The following NRXN3 variants were observed in gnomAD, a reference collection of about 807,000 sequenced individuals.
NRXN3 encodes the protein neurexin III.
A neutral mutation model predicts 137.6 loss-of-function variants in NRXN3; 32 were observed. The observed-to-expected ratio is 0.23, with a 90% CI of 0.18 to 0.31. The LOEUF is 0.31. NRXN3 is among the 10% of genes least tolerant of loss of function. The pLI, the probability that NRXN3 is intolerant of heterozygous loss-of-function variation, is 1.00. For missense variants in NRXN3, 1,574 were observed against 2,062.5 expected (o/e 0.76, Z 4.59); for synonymous variants, 798 against 784.5 (o/e 1.02, Z -0.29).
intron 15 of NRXN3, among the ~76,000 whole-genome samples, chr14:79,323,252 G>A (rs929164981): frequency 6.6e-5 from 10 of 152,034 alleles, no homozygotes; most frequent in Non-Finnish European, 1.0e-4. Context: ...ATGTTGCCCA[G>A]GATGGTCTTG....
At chr14:79,307,224 A>G (rs2086244652) in intron 15 of NRXN3, among the ~76,000 whole-genome samples, 1 of 152,156 alleles carries the variant, frequency 6.6e-6, no homozygotes, top group African/African-American at 2.4e-5. Flanking sequence ...AAAACATTAA[A>G]TAAGTTACTC....
Position 78,434,943 on chromosome 14 carries a change from G to T in NRXN3, c.757+137083G>T, listed in dbSNP as rs12161865. Among the ~76,000 whole-genome samples, 43 of 152,318 alleles carry T rather than the reference G, an allele frequency of 2.8e-4. No individual in the cohort carries two copies. The East Asian group carries it at 6.4e-3, about 23-fold the overall frequency. On this transcript the variant is annotated intron_variant, in intron 4 of 20. Coordinates refer to ENST00000335750, the MANE Select transcript of NRXN3 (RefSeq NM_001330195.2). ...GAGACCTGAGCTTGCTAGTTGTCTA[G>T]AGACAACTGACAGAGAGGGGCTTGC...
intron 4 of NRXN3, among the ~76,000 whole-genome samples, chr14:78,630,613 T>G (rs557289375): frequency 6.8e-6 from 1 of 147,034 alleles, no homozygotes; most frequent in South Asian, 2.1e-4. Flanking sequence ...TTTTTTTTTT[T>G]GTTGTTTTTG....
chr14:78,266,282 C>T (rs1263765422), intron 2 of NRXN3, among the ~76,000 whole-genome samples: 1 of 152,070 alleles, frequency 6.6e-6, no homozygotes, highest in African/African-American at 2.4e-5. Context: ...TCTCTCTCCT[C>T]TTACTTAATC....
At chr14:79,796,767 GAA>G (rs1243741460) in intron 19 of NRXN3, among the ~76,000 whole-genome samples, 1 of 152,194 alleles carries the variant, frequency 6.6e-6, no homozygotes, top group Non-Finnish European at 1.5e-5. Context: ...TGGAAAAGAA[GAA>G]AAAGAATATG....
At chr14:78,761,671 A>G (rs1480888507) in intron 8 of NRXN3, among the ~76,000 whole-genome samples, 5 of 152,168 alleles carry the variant, frequency 3.3e-5, no homozygotes, top group Admixed American at 2.6e-4. Context: ...AAAAAATATA[A>G]TCATTTTATT....
At chr14:79,030,573 CTT>C (rs1408544267) in intron 15 of NRXN3, among the ~76,000 whole-genome samples, 1 of 141,510 alleles carries the variant, frequency 7.1e-6, no homozygotes, top group African/African-American at 2.6e-5. Flanking sequence ...TCAAAAGACT[CTT>C]AGTGATTTCT....
chr14:78,437,346 TC>T (rs2094104712), intron 4 of NRXN3, among the ~76,000 whole-genome samples: 1 of 144,904 alleles, frequency 6.9e-6, no homozygotes, highest in Admixed American at 6.9e-5. Context: ...CTTTTCTTTT[TC>T]TTTTTTTTTT....
chr14:78,409,467 A>C (rs1425616251), intron 4 of NRXN3, among the ~76,000 whole-genome samples: 2 of 152,242 alleles, frequency 1.3e-5, no homozygotes, highest in Non-Finnish European at 1.5e-5. Context: ...ATGTGGACTC[A>C]TCATCTCCAT....
chr14:79,365,751 A>AAAAAAAAAAAAAG (rs2093867970), intron 15 of NRXN3, among the ~76,000 whole-genome samples: 1 of 149,078 alleles, frequency 6.7e-6, no homozygotes, highest in Non-Finnish European at 1.5e-5. Flanking sequence ...AAAAGAAAAA[A>AAAAAAAAAAAAAG]AAGAAGAGTT....
At chr14:78,432,506 A>G (rs2215830) in intron 4 of NRXN3, among the ~76,000 whole-genome samples, 151,869 of 152,302 alleles carry the variant, frequency 1, 75,720 homozygotes, top group Non-Finnish European at 1. Flanking sequence ...CAGTGTAGGG[A>G]AGCGGAAGAT....
At chr14:79,244,905 A>G (rs1338019112) in intron 15 of NRXN3, among the ~76,000 whole-genome samples, 1 of 152,162 alleles carries the variant, frequency 6.6e-6, no homozygotes, top group Non-Finnish European at 1.5e-5. Context: ...ATATCTGTTC[A>G]GTGTTTCGCT....
chr14:79,669,735 G>GCAT (rs1264574334), intron 17 of NRXN3, among the ~76,000 whole-genome samples: 4 of 152,026 alleles, frequency 2.6e-5, no homozygotes, highest in African/African-American at 9.7e-5. Context: ...TGGATCAGCA[G>GCAT]CATCAGCTTC....
intron 3 of NRXN3, among the ~76,000 whole-genome samples, chr14:78,284,184 A>G (rs1353938560): frequency 6.6e-6 from 1 of 152,198 alleles, no homozygotes; most frequent in African/African-American, 2.4e-5. Context: ...CCTGCCTCCT[A>G]TTCAAAGCCA....
At position 79,224,982 on chromosome 14, in the gene NRXN3, G is replaced by A. The variant is rs188801486; in HGVS notation, c.3262+236841G>A. Reference sequence around the variant, plus strand: ...CAGTTTGTGGTTCTTTGTTACAGCCGCCCTAGGAAACTAATACAGGAGTCA... The same window carrying A: ...CAGTTTGTGGTTCTTTGTTACAGCCACCCTAGGAAACTAATACAGGAGTCA... On this transcript the variant is annotated intron_variant, in intron 15 of 20. Coordinates refer to ENST00000335750, the MANE Select transcript of NRXN3 (RefSeq NM_001330195.2). Among the ~76,000 whole-genome samples the A allele has an allele frequency of 1.7e-3, 253 of 152,136 alleles. 1 individual carries two copies. Among genetic ancestry groups the A allele is most frequent in the African/African-American group, 5.6e-3 (233 of 41,524 alleles).
chr14:79,309,325 C>T (rs1203823342), intron 15 of NRXN3, among the ~76,000 whole-genome samples: 8 of 9,264 alleles, frequency 8.6e-4, no homozygotes, highest in Admixed American at 3.8e-3. Context: ...TTAATCCAGT[C>T]TATCATTGTT....
intron 4 of NRXN3, among the ~76,000 whole-genome samples, chr14:78,565,870 C>G (rs1037116406): frequency 6.6e-6 from 1 of 152,120 alleles, no homozygotes; most frequent in African/African-American, 2.4e-5. Flanking sequence ...AGTATTATAG[C>G]CTAGCAATCA....
chr14:79,139,688 A>G (rs562850466), intron 15 of NRXN3, among the ~76,000 whole-genome samples: 1 of 152,126 alleles, frequency 6.6e-6, no homozygotes, highest in Admixed American at 6.5e-5. Flanking sequence ...AAAGTTCTTA[A>G]TTGGTGATTA....
At chr14:79,534,915 T>C (rs765337028) in intron 16 of NRXN3, among the ~76,000 whole-genome samples, 7 of 152,182 alleles carry the variant, frequency 4.6e-5, no homozygotes, top group Admixed American at 1.3e-4. Flanking sequence ...AATTTTCCTG[T>C]GGTCTGACAT....
Sources: gnomAD v4.1 joint callset for allele counts (sites outside exome capture counted in the v4.1 genomes callset) on GRCh38, gnomAD v4.1.1 for gene constraint, MANE v1.5 for transcripts, NCBI Gene and HGNC (gene_info 2026-07-23, HGNC 2026-07-21) for gene names.